The following SNX7 variants were observed in gnomAD, a reference collection of about 807,000 sequenced individuals.
The protein encoded by SNX7 is sorting nexin-7.
In SNX7, 35 loss-of-function variants were observed where a neutral mutation model predicts 48.4. That is an observed-to-expected ratio of 0.72 (90% CI 0.55 to 0.96). The LOEUF (loss-of-function observed/expected upper bound fraction) is 0.96, where lower values mean the gene tolerates loss of function less well. Among genes scored for constraint, SNX7 ranks in the 40% least tolerant of loss-of-function variants. The probability of loss-of-function intolerance (pLI) is 0.00; values close to 1 mark genes in which losing one functional copy is unlikely to be tolerated. For missense variants in SNX7, 553 were observed against 548.9 expected (o/e 1.01, Z -0.07); for synonymous variants, 190 against 190.2 (o/e 1.00, Z 0.01).
At chr1:98,701,252 A>C (rs1651732242) in intron 6 of SNX7, among the ~76,000 whole-genome samples, 1 of 152,210 alleles carries the variant, frequency 6.6e-6, no homozygotes, top group African/African-American at 2.4e-5. Flanking sequence ...ATGATCTCTC[A>C]TCCAAAGCTT....
At chr1:98,689,170 T>A (rs1466414875) in intron 2 of SNX7, among the ~76,000 whole-genome samples, 1 of 152,206 alleles carries the variant, frequency 6.6e-6, no homozygotes, top group Non-Finnish European at 1.5e-5. Flanking sequence ...CCCAAAATGC[T>A]GGGATTACAG....
chr1:98,743,562 A>G lies in SNX7; in HGVS notation c.1278+5173A>G, dbSNP rs116735727. Among the ~76,000 whole-genome samples the G allele has an allele frequency of 6.0e-3, 913 of 152,208 alleles. 10 individuals carry two copies. Among genetic ancestry groups the G allele is most frequent in the African/African-American group, 0.018 (735 of 41,564 alleles). ...TCTGTCTAGCCAGATGAACAGTACT[A>G]CTAATGTTTTCTTAAAATCCAAGTC... On this transcript the variant is annotated intron_variant, in intron 8 of 8. Coordinates refer to ENST00000306121, the MANE Select transcript of SNX7 (RefSeq NM_015976.5).
intron 6 of SNX7, among the ~76,000 whole-genome samples, chr1:98,699,954 C>T (rs1286467564): frequency 2.0e-5 from 3 of 152,190 alleles, no homozygotes; most frequent in Non-Finnish European, 4.4e-5. Flanking sequence ...TCCTTGGCTA[C>T]ATCCTTTGGT....
At chr1:98,690,222 A>T (rs1651038030) in intron 2 of SNX7, among the ~76,000 whole-genome samples, 2 of 152,226 alleles carry the variant, frequency 1.3e-5, no homozygotes, top group South Asian at 4.1e-4. Flanking sequence ...GTAATTTTTA[A>T]TATGCAAAAA....
At chr1:98,723,034 A>G (rs1181736759) in intron 7 of SNX7, among the ~76,000 whole-genome samples, 1 of 152,196 alleles carries the variant, frequency 6.6e-6, no homozygotes, top group Non-Finnish European at 1.5e-5. Flanking sequence ...TGAAAAGATG[A>G]ATAGACCCCA....
chr1:98,730,646 G>T (rs532304590), intron 7 of SNX7, among the ~76,000 whole-genome samples: 7 of 151,770 alleles, frequency 4.6e-5, no homozygotes, highest in African/African-American at 9.7e-5. Flanking sequence ...ATGAATTCCC[G>T]TTCACAGTTT....
Position 98,661,760 on chromosome 1 carries a change from C to G in SNX7, c.29C>G (p.Ala10Gly). 8.1e-7 allele frequency: 1 copy of G among 1,238,774 alleles called. No individual in the cohort carries two copies. The highest frequency in any genetic ancestry group is 1.0e-6 in the Non-Finnish European group (1 of 985,358). 76.7% of individuals were successfully genotyped at this position (1,238,774 alleles called of 1,614,324 possible). A position where few individuals can be genotyped will look rare whatever the true frequency, so the allele number is the denominator to read the frequency against. Residue 10 changes from alanine (A) to glycine (G), a missense_variant, in exon 1 of 9, where the codon GCG (alanine) becomes GGG (glycine). Ala to Gly is a moderately conservative substitution (Grantham distance 60). Transcript: ENST00000306121. ...GAGGGCGAGCGCCGGGCATCGCAGG[C>G]GCCCTCCTCGGGCCTCCCGGCCGGG... MEGERRASQAPSSGLPAGGA... is the reference protein window; with the variant it reads MEGERRASQGPSSGLPAGGA...
chr1:98,749,504 G>A (rs911707918), intron 8 of SNX7, among the ~76,000 whole-genome samples: 1 of 151,880 alleles, frequency 6.6e-6, no homozygotes, highest in African/African-American at 2.4e-5. Flanking sequence ...TTAAGTTATT[G>A]GTATTTCTAA....
intron 2 of SNX7, among the ~76,000 whole-genome samples, chr1:98,687,986 T>C (rs1650897450): frequency 6.6e-6 from 1 of 152,070 alleles, no homozygotes; most frequent in Non-Finnish European, 1.5e-5. Context: ...CCTTGACACA[T>C]GGGGATTATT....
chr1:98,714,297 A>G (rs181141003), intron 7 of SNX7, among the ~76,000 whole-genome samples: 5 of 152,260 alleles, frequency 3.3e-5, no homozygotes, highest in East Asian at 1.9e-4. Context: ...GCATTCACAT[A>G]TATCAGCCAA....
At chr1:98,718,559 T>TA (rs1652705987) in intron 7 of SNX7, among the ~76,000 whole-genome samples, 1 of 152,118 alleles carries the variant, frequency 6.6e-6, no homozygotes, top group African/African-American at 2.4e-5. Context: ...GCATTGCTTA[T>TA]AAAAATAACC....
intron 7 of SNX7, among the ~76,000 whole-genome samples, chr1:98,716,128 G>C (rs1220009407): frequency 1.3e-5 from 2 of 152,040 alleles, no homozygotes. Context: ...TAATCCCCCT[G>C]TATATAACCA....
chr1:98,729,777 C>T lies in SNX7; in HGVS notation c.1126-8460C>T, dbSNP rs1023058754. Among the ~76,000 whole-genome samples, 3 of 152,168 alleles carry T rather than the reference C, an allele frequency of 2.0e-5. No individual in the cohort carries two copies. In the South Asian group the frequency reaches 6.2e-4, roughly 32 times the overall value. ...AATTGAGGGAGTAATAAATAGCCTACCAACCAAAAAGCCCAGGATCAGACA... is the reference window on the plus strand; with the variant it reads ...AATTGAGGGAGTAATAAATAGCCTATCAACCAAAAAGCCCAGGATCAGACA... On this transcript the variant is annotated intron_variant, in intron 7 of 8. Coordinates refer to ENST00000306121, the MANE Select transcript of SNX7 (RefSeq NM_015976.5).
intron 6 of SNX7, 87 bp downstream of exon 6, chr1:98,698,992 C>A: frequency 1.5e-6 from 2 of 1,298,660 alleles, no homozygotes; most frequent in Non-Finnish European, 2.2e-6. Context: ...TCTTTAAAAC[C>A]ACTATCTTTT....
intron 1 of SNX7, among the ~76,000 whole-genome samples, chr1:98,680,635 C>A (rs1400017283): frequency 6.6e-6 from 1 of 152,142 alleles, no homozygotes; most frequent in Non-Finnish European, 1.5e-5. Context: ...CCACTAGATA[C>A]CCTAAATCAT....
chr1:98,705,861 G>C (rs933487144), intron 7 of SNX7, among the ~76,000 whole-genome samples: 1 of 152,102 alleles, frequency 6.6e-6, no homozygotes, highest in Admixed American at 6.6e-5. Context: ...TTGCAGAGAA[G>C]AGTTAATATG....
chr1:98,667,634 G>A (rs934138775), intron 1 of SNX7, among the ~76,000 whole-genome samples: 2 of 151,394 alleles, frequency 1.3e-5, no homozygotes, highest in African/African-American at 4.9e-5. Flanking sequence ...TGCCCACCTC[G>A]GCCTCCCAAA....
At chr1:98,673,803 T>C (rs1235547282) in intron 1 of SNX7, among the ~76,000 whole-genome samples, 1 of 152,272 alleles carries the variant, frequency 6.6e-6, no homozygotes, top group Non-Finnish European at 1.5e-5. Context: ...ATGATAATTA[T>C]ACTTCCATCA....
intron 8 of SNX7, among the ~76,000 whole-genome samples, chr1:98,749,376 AT>A (rs1455932614): frequency 2.6e-5 from 4 of 152,146 alleles, no homozygotes; most frequent in Non-Finnish European, 5.9e-5. Flanking sequence ...TGCATTAACT[AT>A]CTGTGTTGCA....
Sources: allele counts gnomAD v4.1 joint callset (sites outside exome capture counted in the v4.1 genomes callset), GRCh38; gene constraint gnomAD v4.1.1; transcripts MANE v1.5; gene names NCBI Gene and HGNC (gene_info 2026-07-23, HGNC 2026-07-21).